ZNF469: variants seen among roughly 807,000 people sequenced by gnomAD.
ZNF469 encodes zinc finger protein 469.
In ZNF469, 1 loss-of-function variant was observed where a neutral mutation model predicts 1.0. The ratio of observed to expected loss-of-function variants is 1.00; its 90% CI spans 0.35 to 4.73. ZNF469 has a LOEUF of 4.73. ZNF469 is among the 30% of genes most tolerant of loss of function. The pLI is 0.16. For synonymous variants in ZNF469, 2,703 were observed against 2,363.4 expected (o/e 1.14, Z -4.17); for missense variants, 6,100 against 5,356.3 (o/e 1.14, Z -4.33).
the ZNF469 span, among the ~76,000 whole-genome samples, chr16:88,187,610 C>G: frequency 6.6e-6 from 1 of 151,590 alleles, no homozygotes; most frequent in African/African-American, 2.4e-5. Flanking sequence ...TTTTTTTTGA[C>G]TTGAAGAAAT....
the ZNF469 span, among the ~76,000 whole-genome samples, chr16:88,176,667 G>C: frequency 6.6e-6 from 1 of 152,236 alleles, no homozygotes; most frequent in Admixed American, 6.5e-5. Flanking sequence ...TTATCATGAT[G>C]ACCGTGTGTT....
At chr16:88,331,299 A>G in the ZNF469 span, among the ~76,000 whole-genome samples, 2 of 151,140 alleles carry the variant, frequency 1.3e-5, no homozygotes, top group Admixed American at 1.3e-4. Flanking sequence ...CACCACCATC[A>G]CCATCATTAT....
At chr16:88,304,349 G>A in the ZNF469 span, among the ~76,000 whole-genome samples, 31 of 152,306 alleles carry the variant, frequency 2.0e-4, no homozygotes, top group South Asian at 8.3e-4. Flanking sequence ...TGTTGCAGGC[G>A]AGTCTGCACG....
chr16:88,124,240 T>C, the ZNF469 span, among the ~76,000 whole-genome samples: 1 of 152,238 alleles, frequency 6.6e-6, no homozygotes, highest in Admixed American at 6.5e-5. Context: ...ATTTTTATTT[T>C]ATTTATTTTT....
chr16:88,318,192 G>T, the ZNF469 span, among the ~76,000 whole-genome samples: 4 of 152,220 alleles, frequency 2.6e-5, no homozygotes, highest in Non-Finnish European at 5.9e-5. Context: ...AGCCTGGGCT[G>T]GAGGGAGGCC....
the ZNF469 span, among the ~76,000 whole-genome samples, chr16:88,359,534 C>T: frequency 2.6e-5 from 4 of 152,186 alleles, no homozygotes; most frequent in South Asian, 6.2e-4. Context: ...AAAGATGTTG[C>T]GAACTTTCTT....
chr16:88,351,267 C>T, the ZNF469 span, among the ~76,000 whole-genome samples: 1 of 152,224 alleles, frequency 6.6e-6, no homozygotes, highest in Non-Finnish European at 1.5e-5. Context: ...CTGCGGGTCA[C>T]TGGGCTGTGT....
the ZNF469 span, among the ~76,000 whole-genome samples, chr16:88,252,286 G>A: frequency 6.7e-6 from 1 of 149,468 alleles, no homozygotes; most frequent in Admixed American, 6.8e-5. Flanking sequence ...GCTCACCCTG[G>A]GTGTGGAGTT....
At chr16:88,152,671 T>A in the ZNF469 span, among the ~76,000 whole-genome samples, 5 of 151,738 alleles carry the variant, frequency 3.3e-5, no homozygotes, top group African/African-American at 1.2e-4. The surrounding 1 kb of genome is among the most constrained non-coding windows in gnomAD (Gnocchi z 4.2). Context: ...GGCCTCTGGA[T>A]GGATTTTTTT....
At position 88,430,787 on chromosome 16, in the gene ZNF469, C is replaced by T. The variant is rs1357490210; in HGVS notation, c.3317C>T (p.Pro1106Leu). 2.0e-6 allele frequency: 3 copies of T among 1,526,062 alleles called. No homozygotes were observed. The highest frequency in any genetic ancestry group is 1.7e-6 in the Non-Finnish European group (2 of 1,143,248). 94.5% of individuals were successfully genotyped at this position (1,526,062 alleles called of 1,614,324 possible). Residue 1106 changes from proline to leucine, a missense_variant, in exon 3 of 3, where the codon CCG becomes CTG. By Grantham distance (98) the Pro-to-Leu change is moderately conservative (BLOSUM62 -3). Coordinates refer to ENST00000565624, the MANE Select transcript of ZNF469 (RefSeq NM_001367624.2). ...SESEEDEQPP[P>L]RGPGFRGRRG... Reference sequence around the variant, plus strand: ...TCCGAGGAGGACGAGCAGCCTCCGCCGCGGGGCCCCGGCTTCAGAGGCCGG... The same window carrying T: ...TCCGAGGAGGACGAGCAGCCTCCGCTGCGGGGCCCCGGCTTCAGAGGCCGG...
At chr16:88,335,511 CCCT>C in the ZNF469 span, among the ~76,000 whole-genome samples, 6 of 152,214 alleles carry the variant, frequency 3.9e-5, no homozygotes, top group Non-Finnish European at 8.8e-5. Context: ...TGGCCAGGCC[CCCT>C]CCTCGGCCCC....
At chr16:88,315,723 C>T in the ZNF469 span, among the ~76,000 whole-genome samples, 2 of 152,178 alleles carry the variant, frequency 1.3e-5, no homozygotes, top group African/African-American at 4.8e-5. Flanking sequence ...GCTTCTAAAG[C>T]CCCCAGGGTT....
chr16:88,294,629 C>T, the ZNF469 span: 1 of 152,232 alleles, frequency 6.6e-6, no homozygotes, highest in Admixed American at 6.5e-5. Context: ...CCCTGAGTAT[C>T]CTTGAGTCCA....
the ZNF469 span, among the ~76,000 whole-genome samples, chr16:88,216,119 C>G: frequency 6.6e-6 from 1 of 152,156 alleles, no homozygotes; most frequent in Admixed American, 6.5e-5. Flanking sequence ...CTGAACATGT[C>G]TTTATTTCAC....
chr16:88,388,101 G>A (rs1234475368), intron 1 of ZNF469, among the ~76,000 whole-genome samples: 1 of 152,260 alleles, frequency 6.6e-6, no homozygotes, highest in African/African-American at 2.4e-5. Context: ...TCCCCAGAGA[G>A]GAGAGCGGCC....
chr16:88,341,669 C>A, the ZNF469 span, among the ~76,000 whole-genome samples: 2 of 152,180 alleles, frequency 1.3e-5, no homozygotes, highest in Non-Finnish European at 2.9e-5. Context: ...CTGGGTATCT[C>A]GGTTTTGCCA....
At chr16:88,393,194 G>A (rs1482181792) in intron 1 of ZNF469, among the ~76,000 whole-genome samples, 3 of 152,258 alleles carry the variant, frequency 2.0e-5, no homozygotes, top group South Asian at 2.1e-4. Flanking sequence ...TGCCTCGCCC[G>A]CCCTGGAGTG....
chr16:88,203,972 G>T, the ZNF469 span, among the ~76,000 whole-genome samples: 17 of 152,310 alleles, frequency 1.1e-4, no homozygotes, highest in East Asian at 2.9e-3. Context: ...CCAGAGAGCA[G>T]CTGGAGGTGC....
the ZNF469 span, among the ~76,000 whole-genome samples, chr16:88,348,457 A>G: frequency 1.3e-5 from 2 of 152,334 alleles, no homozygotes; most frequent in East Asian, 1.9e-4. Context: ...ACAGGTCCCC[A>G]GGGTTGGGAC....
Sources: allele counts gnomAD v4.1 joint callset (sites outside exome capture counted in the v4.1 genomes callset), GRCh38; gene constraint gnomAD v4.1.1; non-coding constraint Gnocchi (gnomAD v3.1); transcripts MANE v1.5; gene names NCBI Gene and HGNC (gene_info 2026-07-23, HGNC 2026-07-21).